Variants in NAV3 observed in about 807,000 individuals in gnomAD.
The protein encoded by NAV3 is neuron navigator 3, also known as pore membrane and/or filament interacting like protein 1.
In NAV3, 87 loss-of-function variants were observed where a neutral mutation model predicts 244.7. The observed-to-expected ratio is 0.36, with a 90% CI of 0.30 to 0.42. The LOEUF is 0.42. Among genes scored for constraint, NAV3 ranks in the 20% least tolerant of loss-of-function variants. The pLI is 1.00. For missense variants in NAV3, 2,663 were observed against 2,893.3 expected, an observed-to-expected ratio of 0.92 and a Z score of 1.83; for synonymous variants, 1,126 against 1,042.2, an observed-to-expected ratio of 1.08 and a Z score of -1.55.
At chr12:77,591,095 G>A (rs891789123) in intron 2 of NAV3, among the ~76,000 whole-genome samples, 3 of 152,116 alleles carry the variant, frequency 2.0e-5, no homozygotes, top group Admixed American at 6.5e-5. Context: ...GGAAAATGTT[G>A]GGAGAAAATA....
intron 2 of NAV3, among the ~76,000 whole-genome samples, chr12:77,697,038 T>C (rs139183612): frequency 2.4e-4 from 36 of 152,286 alleles, no homozygotes; most frequent in African/African-American, 8.2e-4. Context: ...ATTATAGAGC[T>C]GTGTTTCTCT....
At chr12:78,146,611 T>A (rs141185826) in intron 21 of NAV3, among the ~76,000 whole-genome samples, 122 of 152,264 alleles carry the variant, frequency 8.0e-4, no homozygotes, top group African/African-American at 2.9e-3. Context: ...CATTCTAGAT[T>A]GAGTCTTAGC....
At chr12:77,876,485 A>T (rs1268114865) in intron 1 of NAV3, among the ~76,000 whole-genome samples, 4 of 152,082 alleles carry the variant, frequency 2.6e-5, no homozygotes, top group Non-Finnish European at 5.9e-5. Context: ...AAAATAGTTT[A>T]TCATGGTAGT....
intron 2 of NAV3, among the ~76,000 whole-genome samples, chr12:77,786,913 A>C (rs1423196651): frequency 6.6e-6 from 1 of 152,060 alleles, no homozygotes; most frequent in Non-Finnish European, 1.5e-5. Context: ...CTCTGCTCGG[A>C]TTCCACCCAT....
At chr12:78,076,214 T>C (rs2137730252) in intron 12 of NAV3, among the ~76,000 whole-genome samples, 1 of 152,296 alleles carries the variant, frequency 6.6e-6, no homozygotes, top group African/African-American at 2.4e-5. Context: ...CCAGCTATTC[T>C]GTGGCGTTGC....
At chr12:77,889,981 A>G (rs1883743874) in intron 1 of NAV3, among the ~76,000 whole-genome samples, 1 of 152,222 alleles carries the variant, frequency 6.6e-6, no homozygotes, top group Non-Finnish European at 1.5e-5. Context: ...ATAACCAGTC[A>G]AAACTGACAC....
At chr12:77,823,357 G>A (rs1200036157) in intron 2 of NAV3, among the ~76,000 whole-genome samples, 11 of 152,170 alleles carry the variant, frequency 7.2e-5, no homozygotes. Context: ...GAGCACTGGA[G>A]ACTTACAGAG....
At chr12:78,194,208 C>T (rs139264357) in intron 34 of NAV3, among the ~76,000 whole-genome samples, 2 of 152,102 alleles carry the variant, frequency 1.3e-5, no homozygotes, top group Admixed American at 6.6e-5. Flanking sequence ...ACTAAATATA[C>T]CTGTTGAGAA....
intron 2 of NAV3, among the ~76,000 whole-genome samples, chr12:77,716,644 G>A (rs908114773): frequency 6.6e-6 from 1 of 151,876 alleles, no homozygotes; most frequent in Non-Finnish European, 1.5e-5. Context: ...GGATCTCCTA[G>A]TAATAACTCA....
chr12:77,677,942 C>T (rs1271859720), intron 2 of NAV3, among the ~76,000 whole-genome samples: 1 of 151,660 alleles, frequency 6.6e-6, no homozygotes, highest in African/African-American at 2.4e-5. Context: ...GATTTTTTTT[C>T]ACAGATTTAT....
intron 1 of NAV3, among the ~76,000 whole-genome samples, chr12:77,871,396 A>G (rs940505582): frequency 1.3e-5 from 2 of 152,226 alleles, no homozygotes; most frequent in African/African-American, 2.4e-5. Context: ...CCATCAATCC[A>G]TCATCTACAT....
chr12:77,637,756 C>G (rs992757542), intron 2 of NAV3, among the ~76,000 whole-genome samples: 1 of 152,100 alleles, frequency 6.6e-6, no homozygotes, highest in African/African-American at 2.4e-5. Flanking sequence ...ATAGTTCAGT[C>G]AGTATTCTTA....
At chr12:77,718,462 A>G (rs373664458) in intron 2 of NAV3, among the ~76,000 whole-genome samples, 28 of 152,040 alleles carry the variant, frequency 1.8e-4, no homozygotes, top group African/African-American at 6.0e-4. Context: ...GTGCCACATC[A>G]TTTTGATTAC....
intron 8 of NAV3, 126 bp from the exon 9 acceptor site, chr12:78,021,621 C>G: frequency 1.6e-6 from 1 of 609,246 alleles, no homozygotes; most frequent in South Asian, 1.9e-5. Flanking sequence ...CTGGAACATT[C>G]CAGTCATAAA....
At chr12:77,798,266 G>C (rs1443443508) in intron 2 of NAV3, among the ~76,000 whole-genome samples, 1 of 152,126 alleles carries the variant, frequency 6.6e-6, no homozygotes, top group Non-Finnish European at 1.5e-5. Context: ...TTCAGAGCAG[G>C]TAACACCAAC....
intron 7 of NAV3, among the ~76,000 whole-genome samples, chr12:78,003,482 T>C (rs1047701321): frequency 6.6e-6 from 1 of 152,206 alleles, no homozygotes; most frequent in African/African-American, 2.4e-5. Context: ...TGTTGTCACT[T>C]ATTATATTTC....
At chr12:77,817,473 C>T (rs950871969) in intron 2 of NAV3, among the ~76,000 whole-genome samples, 2 of 152,000 alleles carry the variant, frequency 1.3e-5, no homozygotes, top group Non-Finnish European at 2.9e-5. Context: ...GTTTCCTTGA[C>T]AGAGTCGTTT....
chr12:77,993,155 C>A (rs796826290), intron 5 of NAV3, among the ~76,000 whole-genome samples: 8 of 152,214 alleles, frequency 5.3e-5, no homozygotes, highest in African/African-American at 1.9e-4. Flanking sequence ...TATATTATGG[C>A]ACGTCTTTAA....
At chr12:77,789,437 T>A (rs978597092) in intron 2 of NAV3, among the ~76,000 whole-genome samples, 2 of 152,130 alleles carry the variant, frequency 1.3e-5, no homozygotes, top group Admixed American at 1.3e-4. Context: ...GTGTCCAATT[T>A]TTTTACTTTC....
Sources: allele counts gnomAD v4.1 joint callset (sites outside exome capture counted in the v4.1 genomes callset), GRCh38; gene constraint gnomAD v4.1.1; transcripts MANE v1.5; gene names NCBI Gene and HGNC (gene_info 2026-07-23, HGNC 2026-07-21).